The following IGFBP7 variants were observed in gnomAD, a reference collection of about 807,000 sequenced individuals.
IGFBP7 encodes insulin-like growth factor-binding protein 7.
IGFBP7 carries 31 observed loss-of-function variants against 29.4 expected under a neutral mutation model. The observed-to-expected ratio is 1.05, with a 90% confidence interval of 0.79 to 1.42. The LOEUF is 1.42. Among genes scored for constraint, IGFBP7 ranks in the 40% most tolerant of loss-of-function variants. The pLI is 0.00. For synonymous variants in IGFBP7, 172 were observed against 174.9 expected (o/e 0.98, Z 0.13); for missense variants, 393 against 395.5 (o/e 0.99, Z 0.05).
intron 2 of IGFBP7, among the ~76,000 whole-genome samples, chr4:57,039,065 CAAAAAAAAAA>C (rs71208974): frequency 0.38 from 41,533 of 108,090 alleles, 6,518 homozygotes; most frequent in Middle Eastern, 0.56. Flanking sequence ...AACTATGTCT[CAAAAAAAAAA>C]AAAAAAAAAA....
chr4:57,061,075 T>A (rs1291313977), intron 1 of IGFBP7, among the ~76,000 whole-genome samples: 1 of 151,876 alleles, frequency 6.6e-6, no homozygotes, highest in Non-Finnish European at 1.5e-5. Flanking sequence ...AAAAAAATTC[T>A]TACTGAGTAG....
chr4:57,067,671 A>T (rs1724951673), intron 1 of IGFBP7, among the ~76,000 whole-genome samples: 1 of 152,220 alleles, frequency 6.6e-6, no homozygotes, highest in Admixed American at 6.5e-5. Flanking sequence ...CAGATTTCAT[A>T]TTATGTGTTT....
At chr4:57,082,376 T>C (rs1725390315) in intron 1 of IGFBP7, among the ~76,000 whole-genome samples, 2 of 152,176 alleles carry the variant, frequency 1.3e-5, no homozygotes, top group Non-Finnish European at 2.9e-5. Context: ...GACCTGCGTC[T>C]TTGGAGTTGC....
chr4:57,054,639 C>CAAA (rs75161514), intron 1 of IGFBP7, among the ~76,000 whole-genome samples: 42 of 27,880 alleles, frequency 1.5e-3, no homozygotes, highest in African/African-American at 3.8e-3. Context: ...CTCTCTCTCA[C>CAAA]AAAAAAAAAA....
intron 2 of IGFBP7, among the ~76,000 whole-genome samples, chr4:57,035,976 T>C (rs1301949973): frequency 1.3e-5 from 2 of 152,204 alleles, no homozygotes; most frequent in African/African-American, 4.8e-5. Context: ...CTTATAGCAA[T>C]ACAATCACTA....
At chr4:57,108,426 T>C (rs774894264) in intron 1 of IGFBP7, among the ~76,000 whole-genome samples, 6 of 152,256 alleles carry the variant, frequency 3.9e-5, no homozygotes, top group Non-Finnish European at 7.3e-5. Context: ...ACATTGAATG[T>C]CTGACTTTCC....
intron 1 of IGFBP7, among the ~76,000 whole-genome samples, chr4:57,070,307 C>T (rs73818302): frequency 6.6e-6 from 1 of 152,250 alleles, no homozygotes; most frequent in African/African-American, 2.4e-5. Context: ...AAAACAAAAA[C>T]CACATAAATA....
chr4:57,088,481 C>T (rs978085352), intron 1 of IGFBP7, among the ~76,000 whole-genome samples: 1 of 152,152 alleles, frequency 6.6e-6, no homozygotes, highest in Non-Finnish European at 1.5e-5. Context: ...TCTGCTTCTA[C>T]CCTTCATCCC....
At chr4:57,109,845 G>C in intron 1 of IGFBP7, 32 bp downstream of exon 1, 4 of 1,529,394 alleles carry the variant, frequency 2.6e-6, no homozygotes, top group Non-Finnish European at 3.5e-6. Context: ...GCCGAGCGGC[G>C]CAGGGTTGGA....
intron 1 of IGFBP7, among the ~76,000 whole-genome samples, chr4:57,109,546 G>T (rs2109811904): frequency 6.6e-6 from 1 of 152,322 alleles, no homozygotes; most frequent in South Asian, 2.1e-4. Context: ...GATGAGAAAT[G>T]GACAGATGTT....
chr4:57,052,295 C>T (rs1360498221), intron 1 of IGFBP7, among the ~76,000 whole-genome samples: 6 of 152,138 alleles, frequency 3.9e-5, no homozygotes. Context: ...TTCCAGGAGG[C>T]TGCCGCACCA....
In IGFBP7 at chr4:57,099,386, T is replaced by A. The variant is rs141319008; in HGVS notation, c.475+10491A>T. 3.6e-3 allele frequency among the ~76,000 whole-genome samples: 555 copies of A among 152,250 alleles called. 4 individuals carry two copies. The highest frequency in any genetic ancestry group is 0.013 in the African/African-American group (540 of 41,544). On this transcript the variant is annotated intron_variant, in intron 1 of 4. Coordinates refer to ENST00000295666, the MANE Select transcript of IGFBP7 (RefSeq NM_001553.3). ...TAGCTGACAAAAACATGCTTCAATT[T>A]AAAAAAATGCAAATTCCTTAGACCA...
intron 2 of IGFBP7, among the ~76,000 whole-genome samples, chr4:57,035,941 C>G (rs1356698627): frequency 6.6e-6 from 1 of 152,142 alleles, no homozygotes; most frequent in Non-Finnish European, 1.5e-5. Flanking sequence ...AATATTTTGA[C>G]TTAGGTAACT....
intron 1 of IGFBP7, among the ~76,000 whole-genome samples, chr4:57,066,164 C>T (rs1392144287): frequency 1.3e-5 from 2 of 152,342 alleles, no homozygotes; most frequent in East Asian, 3.9e-4. Flanking sequence ...TACTTAGTGA[C>T]TTACTCTGGT....
At chr4:57,051,943 G>A (rs188520964) in intron 1 of IGFBP7, among the ~76,000 whole-genome samples, 28 of 152,256 alleles carry the variant, frequency 1.8e-4, no homozygotes, top group African/African-American at 5.1e-4. Flanking sequence ...GCAGGAAAAC[G>A]CTGGCCTGCC....
At chr4:57,054,639 CAAAA>C (rs75161514) in intron 1 of IGFBP7, among the ~76,000 whole-genome samples, 6,595 of 26,564 alleles carry the variant, frequency 0.25, 91 homozygotes, top group African/African-American at 0.28. Context: ...CTCTCTCTCA[CAAAA>C]AAAAAAAAAA....
At chr4:57,068,845 A>G (rs766205626) in intron 1 of IGFBP7, among the ~76,000 whole-genome samples, 4 of 152,040 alleles carry the variant, frequency 2.6e-5, no homozygotes, top group Non-Finnish European at 5.9e-5. Context: ...TGATAGCTGG[A>G]GCATGCTTTC....
At chr4:57,038,488 G>A (rs1054469553) in intron 2 of IGFBP7, among the ~76,000 whole-genome samples, 7 of 152,136 alleles carry the variant, frequency 4.6e-5, no homozygotes, top group Non-Finnish European at 8.8e-5. Context: ...GGTTTCAAAT[G>A]GGCTGGTAGA....
In IGFBP7 at chr4:57,031,325, C is replaced by A; in HGVS notation, c.841G>T (p.Glu281Ter). The A allele has an allele frequency of 6.2e-7, 1 of 1,602,146 alleles. No homozygotes were observed. The highest frequency in any genetic ancestry group is 1.1e-5 in the South Asian group (1 of 90,654). ...AATAATATTCTGGAGGTTTATAGCT[C>A]GGCACCTTCACCTGTTTAAAAAAAA... Reference protein sequence around the residue: ...EIPVKKGEGAEL With the variant: ...EIPVKKGEGA Residue 281 changes from glutamate to a stop codon, truncating the protein, a stop_gained, in exon 5 of 5, where the codon GAG (glutamate) becomes TAG (stop). Coordinates refer to ENST00000295666, the MANE Select transcript of IGFBP7 (RefSeq NM_001553.3). LOFTEE classifies it high-confidence loss of function.
Sources: allele counts gnomAD v4.1 joint callset (sites outside exome capture counted in the v4.1 genomes callset), GRCh38; gene constraint gnomAD v4.1.1; transcripts MANE v1.5; gene names NCBI Gene and HGNC (gene_info 2026-07-23, HGNC 2026-07-21).